The following NRG2 variants were observed in gnomAD, a reference collection of about 807,000 sequenced individuals.
The protein encoded by NRG2 is neuregulin 2.
Under a neutral mutation model 73.9 loss-of-function variants are expected in NRG2, and 27 were observed. The ratio of observed to expected loss-of-function variants is 0.37; its 90% confidence interval spans 0.27 to 0.50. The LOEUF (loss-of-function observed/expected upper bound fraction) is 0.50. Ranked by LOEUF, NRG2 falls within the 20% of genes least tolerant of loss-of-function variation. NRG2 has a pLI of 0.96. For synonymous variants in NRG2, 532 were observed against 541.0 expected (o/e 0.98, Z 0.23); for missense variants, 1,126 against 1,210.1 (o/e 0.93, Z 1.03).
chr5:139,856,769 C>T lies in NRG2; in HGVS notation c.1190-991G>A, dbSNP rs1400748367. Reference sequence around the variant, plus strand: ...TTTCTAACTATGCCTATCTGATTCACAGGCAGACCCCTTCATTCACGCACA... The same window carrying T: ...TTTCTAACTATGCCTATCTGATTCATAGGCAGACCCCTTCATTCACGCACA... On this transcript the variant is annotated intron_variant, in intron 5 of 9. Coordinates refer to ENST00000361474, the MANE Select transcript of NRG2 (RefSeq NM_004883.3). This position sits in a 1 kb window ranked among gnomAD's most constrained non-coding sequence, Gnocchi z 4.2. Among the ~76,000 whole-genome samples the T allele has an allele frequency of 6.6e-6, 1 of 152,224 alleles. No individual in the cohort carries two copies. Among genetic ancestry groups the T allele is most frequent in the Non-Finnish European group, 1.5e-5 (1 of 68,032 alleles).
intron 4 of NRG2, among the ~76,000 whole-genome samples, chr5:139,867,762 CTGTGTG>C (rs367771225): frequency 2.4e-3 from 306 of 128,860 alleles, no homozygotes; most frequent in Middle Eastern, 0.013. Context: ...GAAGGGAAAC[CTGTGTG>C]TGTGTGTGTG....
At chr5:139,925,332 G>A (rs747196706) in intron 1 of NRG2, among the ~76,000 whole-genome samples, 4 of 152,140 alleles carry the variant, frequency 2.6e-5, no homozygotes, top group Admixed American at 6.5e-5. Flanking sequence ...CCTCAGCTTC[G>A]TCAGTGTTTA....
chr5:139,965,778 C>T (rs1755463248), intron 1 of NRG2, among the ~76,000 whole-genome samples: 1 of 152,170 alleles, frequency 6.6e-6, no homozygotes, highest in African/African-American at 2.4e-5. Flanking sequence ...CTCACTAGTA[C>T]AACTCTTGCC....
rs1361218147 is a variant in NRG2, at chr5:139,917,320, C to T, written c.701-29809G>A. On this transcript the variant is annotated intron_variant, in intron 1 of 9. Coordinates refer to ENST00000361474, the MANE Select transcript of NRG2 (RefSeq NM_004883.3). ...AGGCTGGAGCACAGTGGTGTGATCA[C>T]GGTTCACTGCAGCCTTGACCTCCCG... is the stretch of plus-strand genomic sequence containing the variant. 6.6e-5 allele frequency among the ~76,000 whole-genome samples: 10 copies of T among 152,116 alleles called. 1 individual carries two copies. Among genetic ancestry groups the T allele is most frequent in the African/African-American group, 1.4e-4 (6 of 41,420 alleles).
chr5:140,042,889 C>T lies in NRG2; in HGVS notation c.181G>A (p.Ala61Thr). 1 of 1,522,404 alleles carries T rather than the reference C, an allele frequency of 6.6e-7. No individual in the cohort carries two copies. The highest frequency in any genetic ancestry group is 1.4e-5 in the African/African-American group (1 of 70,862). The allele number at this position is 1,522,404 out of a possible 1,614,324, so 94.3% of individuals were successfully genotyped here. ...TGCTGCGGCCGCGGCTCTGGGGGCGCAGCGGGACGAGAGATGCTGCTGTTG... is the reference window on the plus strand; with the variant it reads ...TGCTGCGGCCGCGGCTCTGGGGGCGTAGCGGGACGAGAGATGCTGCTGTTG... Reference protein sequence around the residue: ...SNNSSISRPAAPPEPRPQQQP... With the variant: ...SNNSSISRPATPPEPRPQQQP... The change falls in exon 1 of 10, where the codon GCG becomes ACG. Residue 61 changes from alanine (A) to threonine (T), a missense_variant. Coordinates refer to ENST00000361474, the MANE Select transcript of NRG2 (RefSeq NM_004883.3).
chr5:139,859,075 G>A (rs982145923), intron 5 of NRG2, among the ~76,000 whole-genome samples: 6 of 152,128 alleles, frequency 3.9e-5, no homozygotes, highest in Non-Finnish European at 7.3e-5. Context: ...TCATATGCCT[G>A]GACACTTGAG....
At chr5:139,922,734 T>C (rs1212830878) in intron 1 of NRG2, among the ~76,000 whole-genome samples, 1 of 152,166 alleles carries the variant, frequency 6.6e-6, no homozygotes, top group Non-Finnish European at 1.5e-5. Flanking sequence ...ATAAATAAAC[T>C]GTGGTACAAC....
chr5:140,024,135 T>C (rs906914995), intron 1 of NRG2, among the ~76,000 whole-genome samples: 3 of 152,120 alleles, frequency 2.0e-5, no homozygotes, highest in African/African-American at 7.2e-5. Context: ...GGAACCCAGC[T>C]GGGCAGGGCA....
intron 1 of NRG2, among the ~76,000 whole-genome samples, chr5:139,989,888 ATG>A (rs1212474443): frequency 5.3e-5 from 8 of 151,142 alleles, no homozygotes; most frequent in Non-Finnish European, 1.0e-4. Context: ...TCCTGGGTTC[ATG>A]CCATTCTCCT....
At chr5:139,993,971 C>G (rs1757841114) in intron 1 of NRG2, among the ~76,000 whole-genome samples, 1 of 152,186 alleles carries the variant, frequency 6.6e-6, no homozygotes, top group East Asian at 1.9e-4. Flanking sequence ...TGTCTTTTTA[C>G]TTCTTTGACA....
At chr5:139,848,784 G>GGC in intron 9 of NRG2, 87 bp from the exon 10 acceptor site, 1 of 619,364 alleles carries the variant, frequency 1.6e-6, no homozygotes, top group Non-Finnish European at 2.4e-6. Context: ...GGTGGGAGGG[G>GGC]CGGACCCAGA....
At position 139,904,525 on chromosome 5, in the gene NRG2, G is replaced by A. The variant is rs1245194994; in HGVS notation, c.701-17014C>T. 2 of 520,466 alleles carry A rather than the reference G, an allele frequency of 3.8e-6. No homozygotes were observed. Among genetic ancestry groups the A allele is most frequent in the Non-Finnish European group, 6.7e-6 (2 of 298,320 alleles). 32.2% of individuals were successfully genotyped at this position (520,466 alleles called of 1,614,324 possible). On this transcript the variant is annotated intron_variant, in intron 1 of 9. Coordinates refer to ENST00000361474, the MANE Select transcript of NRG2 (RefSeq NM_004883.3). This position sits in a 1 kb window ranked among gnomAD's most constrained non-coding sequence, Gnocchi z 6.0. ...AGGCGGTCACACCCTCCGGGGGAGGGGAGCAGCGAGCCTTAACTCTTCCCC... is the reference window on the plus strand; with the variant it reads ...AGGCGGTCACACCCTCCGGGGGAGGAGAGCAGCGAGCCTTAACTCTTCCCC...
chr5:139,933,806 A>C (rs1007235652), intron 1 of NRG2, among the ~76,000 whole-genome samples: 1 of 152,238 alleles, frequency 6.6e-6, no homozygotes, highest in African/African-American at 2.4e-5. Flanking sequence ...GAACACATAG[A>C]ACGTTTAGCA....
In NRG2 at chr5:139,894,819, C is replaced by G. The variant is rs928644410; in HGVS notation, c.701-7308G>C. Among the ~76,000 whole-genome samples, 4 of 152,208 alleles carry G rather than the reference C, an allele frequency of 2.6e-5. No homozygotes were observed. Among genetic ancestry groups the G allele is most frequent in the Non-Finnish European group, 1.5e-5 (1 of 68,038 alleles). On this transcript the variant is annotated intron_variant, in intron 1 of 9. Coordinates refer to ENST00000361474, the MANE Select transcript of NRG2 (RefSeq NM_004883.3). This position sits in a 1 kb window ranked among gnomAD's most constrained non-coding sequence, Gnocchi z 5.0. ...CTCTGCCTCCTGTTTAGGGCTCCCA[C>G]AGAGGCTGATCCTCAAAGAGGACCA...
chr5:139,982,748 C>G (rs533266229), intron 1 of NRG2, among the ~76,000 whole-genome samples: 3 of 152,186 alleles, frequency 2.0e-5, no homozygotes, highest in Admixed American at 2.0e-4. Flanking sequence ...CCCATTCCCC[C>G]GCAAGGCGCC....
intron 1 of NRG2, among the ~76,000 whole-genome samples, chr5:139,922,796 T>C (rs113644395): frequency 6.6e-6 from 1 of 152,036 alleles, no homozygotes; most frequent in Non-Finnish European, 1.5e-5. Flanking sequence ...TATCAAGCCA[T>C]GAAAAGACAT....
intron 1 of NRG2, among the ~76,000 whole-genome samples, chr5:139,924,547 T>G (rs1362908834): frequency 6.6e-6 from 1 of 152,250 alleles, no homozygotes; most frequent in Non-Finnish European, 1.5e-5. Context: ...TTTCTTCCTT[T>G]GTGTTCTAAT....
intron 1 of NRG2, among the ~76,000 whole-genome samples, chr5:139,975,183 G>T (rs1420384339): frequency 6.6e-6 from 1 of 152,246 alleles, no homozygotes; most frequent in East Asian, 1.9e-4. Context: ...AATTCTAATC[G>T]CAGTCAGCAA....
intron 1 of NRG2, among the ~76,000 whole-genome samples, chr5:140,015,603 G>A (rs760191421): frequency 4.5e-4 from 69 of 152,182 alleles, no homozygotes; most frequent in Admixed American, 4.1e-3. Context: ...TAGGGTCCAC[G>A]TCTAAGTATC....
Sources: gnomAD v4.1 joint callset for allele counts (sites outside exome capture counted in the v4.1 genomes callset) on GRCh38, gnomAD v4.1.1 for gene constraint, Gnocchi (gnomAD v3.1) non-coding constraint, MANE v1.5 for transcripts, NCBI Gene and HGNC (gene_info 2026-07-23, HGNC 2026-07-21) for gene names.